Variants in SLC16A7 observed in about 807,000 individuals in gnomAD.
SLC16A7 encodes the protein solute carrier family 16 member 7, also known as monocarboxylate transporter 2.
In SLC16A7, 33 loss-of-function variants were observed where a neutral mutation model predicts 34.9. That is an observed-to-expected ratio of 0.94 (90% confidence interval 0.72 to 1.26). The LOEUF is 1.26. Among genes scored for constraint, SLC16A7 ranks in the 50% most tolerant of loss-of-function variants. SLC16A7 has a pLI of 0.00. For missense variants in SLC16A7, 573 were observed against 578.1 expected, an observed-to-expected ratio of 0.99 and a Z score of 0.09; for synonymous variants, 201 against 206.6, an observed-to-expected ratio of 0.97 and a Z score of 0.23.
intron 2 of SLC16A7, among the ~76,000 whole-genome samples, chr12:59,698,161 A>T (rs1872528061): frequency 6.6e-6 from 1 of 151,804 alleles, no homozygotes; most frequent in Admixed American, 6.6e-5. Context: ...TTATTACAAT[A>T]GCTTATAATA....
At chr12:59,631,656 C>A (rs1880188154) in intron 1 of SLC16A7, among the ~76,000 whole-genome samples, 2 of 151,946 alleles carry the variant, frequency 1.3e-5, no homozygotes, top group Non-Finnish European at 2.9e-5. Flanking sequence ...AATAGTCCAG[C>A]ATGTATTGGA....
chr12:59,723,817 A>G (rs1213569787), intron 3 of SLC16A7, among the ~76,000 whole-genome samples: 4 of 151,882 alleles, frequency 2.6e-5, no homozygotes, highest in Non-Finnish European at 5.9e-5. Flanking sequence ...TTCTAAAACA[A>G]TACGTATTTG....
intron 1 of SLC16A7, among the ~76,000 whole-genome samples, chr12:59,599,163 G>C (rs17640963): frequency 0.2 from 30,838 of 152,036 alleles, 3,231 homozygotes; most frequent in Non-Finnish European, 0.21. Context: ...GCATGTCATG[G>C]TTCAGAACAA....
chr12:59,745,373 G>A (rs1343296252), intron 3 of SLC16A7, among the ~76,000 whole-genome samples: 1 of 152,170 alleles, frequency 6.6e-6, no homozygotes, highest in African/African-American at 2.4e-5. Flanking sequence ...AATGGATGTT[G>A]GAGAATCAAG....
chr12:59,601,701 G>T (rs1236833402), intron 1 of SLC16A7, among the ~76,000 whole-genome samples: 1 of 152,198 alleles, frequency 6.6e-6, no homozygotes. Flanking sequence ...CTAGAGGCTG[G>T]AAATCTGAGA....
In SLC16A7 at chr12:59,775,255, A is replaced by AATC. The variant is rs764231894; in HGVS notation, c.963_965dup (p.Ile321dup). The AATC allele has an allele frequency of 2.5e-6, 4 of 1,614,168 alleles. No individual in the cohort carries two copies. In the Admixed American group the frequency reaches 6.7e-5, roughly 27 times the overall value. ...GAATTCAGTACTTCTTCAGTTTTGC[A>AATC]ATCATGTTCAATGGAGTGTGTCACC... On this transcript the variant is annotated inframe_insertion, in exon 5 of 6. Coordinates refer to ENST00000547379, the MANE Select transcript of SLC16A7 (RefSeq NM_001270623.2).
chr12:59,612,291 C>T (rs959658277), intron 1 of SLC16A7, among the ~76,000 whole-genome samples: 1 of 152,226 alleles, frequency 6.6e-6, no homozygotes, highest in African/African-American at 2.4e-5. Flanking sequence ...GACGCCAAGG[C>T]TTGGGGCTCG....
chr12:59,610,108 G>A (rs1044640772), intron 1 of SLC16A7, among the ~76,000 whole-genome samples: 5 of 152,086 alleles, frequency 3.3e-5, no homozygotes, highest in African/African-American at 9.7e-5. Context: ...GTTTTCTTCC[G>A]AGGTAGAGTG....
At chr12:59,732,155 T>C (rs934377701) in intron 3 of SLC16A7, among the ~76,000 whole-genome samples, 3 of 152,080 alleles carry the variant, frequency 2.0e-5, no homozygotes, top group Non-Finnish European at 4.4e-5. Context: ...CAGTGGCGCA[T>C]GCCTGTAATC....
intron 3 of SLC16A7, among the ~76,000 whole-genome samples, chr12:59,753,802 C>T (rs1335916860): frequency 6.6e-6 from 1 of 152,176 alleles, no homozygotes; most frequent in East Asian, 1.9e-4. Flanking sequence ...ACAGAATATA[C>T]ATTTTTTTCA....
At chr12:59,663,670 A>AT (rs1428899878) in intron 2 of SLC16A7, among the ~76,000 whole-genome samples, 1 of 152,090 alleles carries the variant, frequency 6.6e-6, no homozygotes, top group African/African-American at 2.4e-5. Flanking sequence ...TCACTGTATT[A>AT]AAACCTCAGT....
chr12:59,618,235 C>A (rs1879543188), intron 1 of SLC16A7, among the ~76,000 whole-genome samples: 1 of 151,928 alleles, frequency 6.6e-6, no homozygotes, highest in Non-Finnish European at 1.5e-5. Context: ...ATCCCTAAAT[C>A]ATTTTTCTCA....
rs926090842 is a variant in SLC16A7 at position 59,786,470 on chromosome 12, C to T, written c.*6791C>T. ...ATTTCTGACAAGCTTTTCAATGGTA[C>T]GATGGATTTTATTTTTCTATCATCA... On this transcript the variant is annotated 3_prime_UTR_variant, in exon 6 of 6. Coordinates refer to ENST00000547379, the MANE Select transcript of SLC16A7 (RefSeq NM_001270623.2). The T allele has an allele frequency of 1.1e-4, 17 of 151,964 alleles. No individual in the cohort carries two copies. The highest frequency in any genetic ancestry group is 3.4e-3 in the Middle Eastern group (1 of 294). The allele number at this position is 151,964 out of a possible 1,614,324, so 9.4% of individuals were successfully genotyped here. A position where few individuals can be genotyped will look rare whatever the true frequency, so the allele number is the denominator to read the frequency against.
rs528091647 is a variant in SLC16A7, at chr12:59,707,405, A to C, written c.217+2387A>C. Among the ~76,000 whole-genome samples the C allele has an allele frequency of 3.9e-5, 6 of 152,216 alleles. No individual in the cohort carries two copies. In the South Asian group the frequency reaches 1.0e-3, roughly 26 times the overall value. ...TCTAAAAGGAACATTAGAATGAACAATGGCATAATTAACTTTCTCAAACCA... is the reference window on the plus strand; with the variant it reads ...TCTAAAAGGAACATTAGAATGAACACTGGCATAATTAACTTTCTCAAACCA... On this transcript the variant is annotated intron_variant, in intron 3 of 5. Coordinates refer to ENST00000547379, the MANE Select transcript of SLC16A7 (RefSeq NM_001270623.2).
chr12:59,627,042 C>A (rs1335103964), intron 1 of SLC16A7, among the ~76,000 whole-genome samples: 2 of 151,720 alleles, frequency 1.3e-5, no homozygotes, highest in Non-Finnish European at 2.9e-5. Flanking sequence ...TAAATTAATT[C>A]TTGTTATTAC....
intron 3 of SLC16A7, chr12:59,769,419 G>A (rs1347142134): frequency 6.6e-6 from 1 of 152,000 alleles, no homozygotes; most frequent in African/African-American, 2.4e-5. Context: ...TACCATGTTA[G>A]GGACAGAATT....
At chr12:59,615,562 A>G (rs1879412343) in intron 1 of SLC16A7, among the ~76,000 whole-genome samples, 1 of 152,236 alleles carries the variant, frequency 6.6e-6, no homozygotes, top group Non-Finnish European at 1.5e-5. Flanking sequence ...GCAAACACTC[A>G]GATGCTAAGT....
rs1430941606 is a variant in SLC16A7 at position 59,787,045 on chromosome 12, A to T, written c.*7366A>T. On this transcript the variant is annotated 3_prime_UTR_variant, in exon 6 of 6. Transcript: ENST00000547379. ...TATTTAGTGAGATTAATTATTTTGC[A>T]CAATATATGTTGTTATAGCAATATC... 6.6e-6 allele frequency: 1 copy of T among 152,166 alleles called. No individual in the cohort carries two copies. Among genetic ancestry groups the T allele is most frequent in the African/African-American group, 2.4e-5 (1 of 41,450 alleles). 9.4% of individuals were successfully genotyped at this position (152,166 alleles called of 1,614,324 possible).
intron 1 of SLC16A7, among the ~76,000 whole-genome samples, chr12:59,606,833 C>T (rs549854465): frequency 2.0e-5 from 3 of 151,494 alleles, no homozygotes; most frequent in Admixed American, 1.3e-4. Flanking sequence ...TGTGTGTGTA[C>T]GTGTGTGTAT....
Sources: gnomAD v4.1 joint callset for allele counts (sites outside exome capture counted in the v4.1 genomes callset) on GRCh38, gnomAD v4.1.1 for gene constraint, MANE v1.5 for transcripts, NCBI Gene and HGNC (gene_info 2026-07-23, HGNC 2026-07-21) for gene names.